The following AUH variants were observed in gnomAD, a reference collection of about 807,000 sequenced individuals.
AUH encodes methylglutaconyl-CoA hydratase, mitochondrial.
A neutral mutation model predicts 42.3 loss-of-function variants in AUH; 29 were observed. That is an observed-to-expected ratio of 0.69 (90% CI 0.51 to 0.93). The LOEUF (loss-of-function observed/expected upper bound fraction) is 0.93. Among genes scored for constraint, AUH ranks in the 40% least tolerant of loss-of-function variants. The probability of loss-of-function intolerance (pLI) is 0.00; values close to 1 mark genes in which losing one functional copy is unlikely to be tolerated. For synonymous variants in AUH, 174 were observed against 166.4 expected, an observed-to-expected ratio of 1.05 and a Z score of -0.35; for missense variants, 452 against 438.1, an observed-to-expected ratio of 1.03 and a Z score of -0.28.
chr9:91,358,217 G>T (rs945813111), intron 1 of AUH, among the ~76,000 whole-genome samples: 2 of 152,228 alleles, frequency 1.3e-5, no homozygotes, highest in Non-Finnish European at 2.9e-5. Flanking sequence ...CCAATTGGAT[G>T]AAAGATGACA....
In AUH at chr9:91,357,526, TACAA is replaced by T. The variant is rs1832512791; in HGVS notation, c.263-1375_263-1372del. 4 of 950,438 alleles carry T rather than the reference TACAA, an allele frequency of 4.2e-6. No individual in the cohort carries two copies. In the Admixed American group the frequency reaches 2.5e-4, roughly 59 times the overall value. 58.9% of individuals were successfully genotyped at this position (950,438 alleles called of 1,614,324 possible). The stretch of plus-strand genomic sequence containing the variant: ...ATGGAACTAGAGTCTAGGAGGGAAA[TACAA>T]ACATTAATAATCATAGAAATCATTA... On this transcript the variant is annotated intron_variant, in intron 1 of 9. Coordinates refer to ENST00000375731, the MANE Select transcript of AUH (RefSeq NM_001698.3).
intron 5 of AUH, among the ~76,000 whole-genome samples, chr9:91,297,313 G>A (rs1201946268): frequency 6.6e-6 from 1 of 152,188 alleles, no homozygotes; most frequent in African/African-American, 2.4e-5. Context: ...AACACTGGGT[G>A]CCTGGACTGC....
intron 6 of AUH, among the ~76,000 whole-genome samples, chr9:91,271,769 C>T (rs1825148634): frequency 1.3e-5 from 2 of 152,182 alleles, no homozygotes; most frequent in African/African-American, 4.8e-5. Flanking sequence ...CAGCCTCCGC[C>T]TCCCAGGTTC....
At chr9:91,359,291 C>A (rs1339996465) in intron 1 of AUH, among the ~76,000 whole-genome samples, 1 of 152,172 alleles carries the variant, frequency 6.6e-6, no homozygotes, top group East Asian at 1.9e-4. Context: ...TTCCCTTCCC[C>A]AGAAGAAGCC....
intron 6 of AUH, among the ~76,000 whole-genome samples, chr9:91,257,649 T>C (rs1166166068): frequency 6.6e-6 from 1 of 152,252 alleles, no homozygotes; most frequent in East Asian, 1.9e-4. Flanking sequence ...TCCATGGCTC[T>C]GTTATGTCTG....
At position 91,361,855 on chromosome 9, in the gene AUH, A is replaced by G. The variant is rs966365446; in HGVS notation, c.35T>C (p.Leu12Ser). The change falls in exon 1 of 10, where the codon TTG becomes TCG. Residue 12 changes from leucine to serine, a missense_variant. Leu to Ser is a moderately radical substitution (Grantham distance 145). Coordinates refer to ENST00000375731, the MANE Select transcript of AUH (RefSeq NM_001698.3). ...AAAVAAAPGA[L>S]GSLHAGGARL... ...GGCGCCGCCAGCATGCAGGGATCCC[A>G]AGGCCCCAGGTGCCGCCGCCACCGC... The G allele has an allele frequency of 2.0e-6, 3 of 1,485,984 alleles. No individual in the cohort carries two copies. The highest frequency in any genetic ancestry group is 2.9e-5 in the African/African-American group (2 of 68,604). 92.0% of individuals were successfully genotyped at this position (1,485,984 alleles called of 1,614,324 possible). A position where few individuals can be genotyped will look rare whatever the true frequency, so the allele number is the denominator to read the frequency against.
chr9:91,246,791 T>A (rs1246205232), intron 6 of AUH, among the ~76,000 whole-genome samples: 1 of 152,228 alleles, frequency 6.6e-6, no homozygotes, highest in Non-Finnish European at 1.5e-5. Context: ...CAAGGAAAAC[T>A]GCTGTTTCTA....
chr9:91,332,435 G>C (rs1453980505), intron 3 of AUH, among the ~76,000 whole-genome samples: 5 of 152,178 alleles, frequency 3.3e-5, no homozygotes, highest in Admixed American at 3.3e-4. Context: ...CCAGGAGGTG[G>C]AAGTTGCAGT....
At chr9:91,268,641 G>A (rs1824853557) in intron 6 of AUH, among the ~76,000 whole-genome samples, 1 of 152,126 alleles carries the variant, frequency 6.6e-6, no homozygotes, top group South Asian at 2.1e-4. Context: ...TGTTGCCCAG[G>A]CTGGTCTCAA....
chr9:91,256,972 CA>C (rs1292675821), intron 6 of AUH, among the ~76,000 whole-genome samples: 4 of 152,094 alleles, frequency 2.6e-5, no homozygotes, highest in African/African-American at 4.8e-5. Flanking sequence ...TAAAATATCC[CA>C]AACTTGTAGG....
chr9:91,233,284 G>A (rs183714611), intron 6 of AUH, among the ~76,000 whole-genome samples: 65 of 152,260 alleles, frequency 4.3e-4, no homozygotes, highest in Non-Finnish European at 7.4e-4. Flanking sequence ...ACAGGTCTGG[G>A]GAATGCATCT....
chr9:91,329,220 G>A (rs1471379754), intron 3 of AUH, among the ~76,000 whole-genome samples: 2 of 151,662 alleles, frequency 1.3e-5, no homozygotes, highest in East Asian at 1.9e-4. Flanking sequence ...AGTTTTTGGT[G>A]GACAAATGTT....
intron 6 of AUH, among the ~76,000 whole-genome samples, chr9:91,277,356 AAAT>A (rs2131544491): frequency 6.6e-6 from 1 of 152,292 alleles, no homozygotes; most frequent in South Asian, 2.1e-4. Context: ...AAATCTATCT[AAAT>A]AATTCCAGTA....
At chr9:91,271,217 C>A (rs747847711) in intron 6 of AUH, among the ~76,000 whole-genome samples, 3 of 152,146 alleles carry the variant, frequency 2.0e-5, no homozygotes, top group Non-Finnish European at 1.5e-5. Flanking sequence ...CTTAGAGCAG[C>A]ATTCATCAAA....
intron 4 of AUH, among the ~76,000 whole-genome samples, chr9:91,323,625 A>C (rs1055970362): frequency 2.6e-5 from 4 of 152,046 alleles, no homozygotes; most frequent in African/African-American, 7.2e-5. Context: ...CCGGCTCAAA[A>C]AAAAAAAAAA....
At chr9:91,282,943 T>A (rs1468488234) in intron 6 of AUH, among the ~76,000 whole-genome samples, 1 of 152,124 alleles carries the variant, frequency 6.6e-6, no homozygotes, top group Non-Finnish European at 1.5e-5. Context: ...AAAGAGGGAA[T>A]CTTCCCTAAC....
At position 91,278,767 on chromosome 9, in the gene AUH, A is replaced by T. The variant is rs182746621; in HGVS notation, c.655+17254T>A. 4.6e-5 allele frequency among the ~76,000 whole-genome samples: 7 copies of T among 152,300 alleles called. No individual in the cohort carries two copies. The East Asian group carries it at 1.4e-3, about 29-fold the overall frequency. On this transcript the variant is annotated intron_variant, in intron 6 of 9. Coordinates refer to ENST00000375731, the MANE Select transcript of AUH (RefSeq NM_001698.3). ...TACCTTCCTACCTGAAAAACTCAAA[A>T]AACAGTTTTCAAGACACTGGATAAG...
intron 6 of AUH, among the ~76,000 whole-genome samples, chr9:91,294,297 C>A (rs867481279): frequency 5.9e-5 from 9 of 152,206 alleles, no homozygotes; most frequent in Non-Finnish European, 1.0e-4. Context: ...CGCCTGTAAT[C>A]CCAGCACTTT....
chr9:91,296,386 A>C (rs1356868206), intron 5 of AUH, among the ~76,000 whole-genome samples: 2 of 152,152 alleles, frequency 1.3e-5, no homozygotes, highest in Non-Finnish European at 2.9e-5. Context: ...GGAGGCATAG[A>C]TCTATTAATT....
Sources: allele counts gnomAD v4.1 joint callset (sites outside exome capture counted in the v4.1 genomes callset), GRCh38; gene constraint gnomAD v4.1.1; transcripts MANE v1.5; gene names NCBI Gene and HGNC (gene_info 2026-07-23, HGNC 2026-07-21).